HEMK2: variants seen among roughly 807,000 people sequenced by gnomAD.
The protein encoded by HEMK2 is HemK methyltransferase 2, ETF1 glutamine and histone H4 lysine.
At chr21:28,680,206 T>G in the HEMK2 span, among the ~76,000 whole-genome samples, 1 of 151,960 alleles carries the variant, frequency 6.6e-6, no homozygotes, top group Non-Finnish European at 1.5e-5. Flanking sequence ...CAATAAAAAA[T>G]GACAAAGGGG....
the HEMK2 span, among the ~76,000 whole-genome samples, chr21:28,707,961 G>A: frequency 2.8e-4 from 43 of 152,198 alleles, no homozygotes; most frequent in African/African-American, 9.4e-4. Context: ...ACAAAAGTGG[G>A]AGCAAAGAAC....
chr21:28,758,127 A>C, the HEMK2 span, among the ~76,000 whole-genome samples: 1 of 152,192 alleles, frequency 6.6e-6, no homozygotes, highest in African/African-American at 2.4e-5. Context: ...TTCTAAGAAG[A>C]AGGAAGATTA....
At chr21:28,650,212 T>C in the HEMK2 span, among the ~76,000 whole-genome samples, 15 of 152,154 alleles carry the variant, frequency 9.9e-5, no homozygotes, top group African/African-American at 1.9e-4. Context: ...CTGGCCAACA[T>C]AGTGAAACCC....
chr21:28,744,551 G>A, the HEMK2 span, among the ~76,000 whole-genome samples: 2 of 152,104 alleles, frequency 1.3e-5, no homozygotes, highest in Non-Finnish European at 2.9e-5. Context: ...CTCACTGTTT[G>A]GCCTCTCCTG....
chr21:28,696,255 G>T, the HEMK2 span, among the ~76,000 whole-genome samples: 1 of 152,182 alleles, frequency 6.6e-6, no homozygotes, highest in Non-Finnish European at 1.5e-5. Context: ...TTCAAGATGG[G>T]ATTTGGGCAG....
chr21:28,877,843 A>G, the HEMK2 span, among the ~76,000 whole-genome samples: 10 of 152,234 alleles, frequency 6.6e-5, no homozygotes, highest in African/African-American at 2.2e-4. Flanking sequence ...CTAACGAACT[A>G]AAGAGTACAG....
At chr21:28,640,416 T>G in the HEMK2 span, among the ~76,000 whole-genome samples, 1 of 152,196 alleles carries the variant, frequency 6.6e-6, no homozygotes, top group Non-Finnish European at 1.5e-5. Flanking sequence ...TATTTCTAAA[T>G]TTTCTCGTAT....
the HEMK2 span, among the ~76,000 whole-genome samples, chr21:28,610,769 A>C: frequency 6.6e-6 from 1 of 152,196 alleles, no homozygotes; most frequent in Admixed American, 6.5e-5. Flanking sequence ...GGCGAAACAA[A>C]CTTTAAAGCA....
At chr21:28,821,295 C>T in the HEMK2 span, among the ~76,000 whole-genome samples, 225 of 152,270 alleles carry the variant, frequency 1.5e-3, no homozygotes, top group African/African-American at 5.2e-3. Flanking sequence ...GCTCCAGAAT[C>T]GGCAACCTCA....
the HEMK2 span, among the ~76,000 whole-genome samples, chr21:28,737,742 A>G: frequency 6.6e-6 from 1 of 152,210 alleles, no homozygotes; most frequent in Non-Finnish European, 1.5e-5. Flanking sequence ...CTTTCTCTAC[A>G]TACATCACTT....
At chr21:28,766,641 G>T in the HEMK2 span, among the ~76,000 whole-genome samples, 1 of 151,712 alleles carries the variant, frequency 6.6e-6, no homozygotes, top group Non-Finnish European at 1.5e-5. Flanking sequence ...AAGAAAATAC[G>T]GTATATATAC....
chr21:28,814,630 A>T, the HEMK2 span, among the ~76,000 whole-genome samples: 1 of 152,220 alleles, frequency 6.6e-6, no homozygotes, highest in Non-Finnish European at 1.5e-5. Flanking sequence ...ACATGAAAAA[A>T]TGCTCATCAT....
At chr21:28,775,970 G>A in the HEMK2 span, among the ~76,000 whole-genome samples, 3,714 of 147,636 alleles carry the variant, frequency 0.025, 143 homozygotes, top group African/African-American at 0.091. Context: ...AGAGGTGAGG[G>A]TAAAAAAAAA....
chr21:28,637,365 A>G, the HEMK2 span, among the ~76,000 whole-genome samples: 55 of 152,214 alleles, frequency 3.6e-4, no homozygotes, highest in African/African-American at 1.2e-3. Context: ...TTGAGACACA[A>G]TGAATCAAAG....
the HEMK2 span, among the ~76,000 whole-genome samples, chr21:28,730,315 A>G: frequency 6.6e-6 from 1 of 151,952 alleles, no homozygotes; most frequent in African/African-American, 2.4e-5. Context: ...TGGGAGGTCA[A>G]GGCTGCAGTA....
the HEMK2 span, among the ~76,000 whole-genome samples, chr21:28,729,926 G>A: frequency 6.6e-6 from 1 of 152,152 alleles, no homozygotes; most frequent in Non-Finnish European, 1.5e-5. Flanking sequence ...AGAACAAACT[G>A]TCATCTTTAC....
At chr21:28,778,290 G>A in the HEMK2 span, among the ~76,000 whole-genome samples, 2 of 152,198 alleles carry the variant, frequency 1.3e-5, no homozygotes, top group African/African-American at 4.8e-5. Flanking sequence ...TCGAATGTAT[G>A]AGTCTTCCAT....
the HEMK2 span, among the ~76,000 whole-genome samples, chr21:28,679,156 C>T: frequency 6.6e-6 from 1 of 152,106 alleles, no homozygotes; most frequent in South Asian, 2.1e-4. Flanking sequence ...ACCCATCTCA[C>T]ATGCAGAGAC....
the HEMK2 span, among the ~76,000 whole-genome samples, chr21:28,821,553 G>A: frequency 2.0e-5 from 3 of 152,042 alleles, no homozygotes; most frequent in South Asian, 2.1e-4. Flanking sequence ...CTTTTCCACC[G>A]CACCCCTTTA....
Sources: allele counts gnomAD v4.1 joint callset (sites outside exome capture counted in the v4.1 genomes callset), GRCh38; gene constraint gnomAD v4.1.1; transcripts MANE v1.5; gene names NCBI Gene and HGNC (gene_info 2026-07-23, HGNC 2026-07-21).